ANKRD13A: variants seen among roughly 807,000 people sequenced by gnomAD.
The protein encoded by ANKRD13A is ankyrin repeat domain-containing protein 13A.
ANKRD13A carries 48 observed loss-of-function variants against 81.3 expected under a neutral mutation model. The observed-to-expected ratio is 0.59, with a 90% CI of 0.47 to 0.75. ANKRD13A has a LOEUF of 0.75. Among genes scored for constraint, ANKRD13A ranks in the 30% least tolerant of loss-of-function variants. The probability of loss-of-function intolerance (pLI) is 0.00; values close to 1 mark genes in which losing one functional copy is unlikely to be tolerated. For synonymous variants in ANKRD13A, 230 were observed against 270.1 expected (o/e 0.85, Z 1.45); for missense variants, 612 against 734.0 (o/e 0.83, Z 1.92).
In ANKRD13A at chr12:110,000,000, G is replaced by C. The variant is rs1889866022; in HGVS notation, c.96+216G>C. Among the ~76,000 whole-genome samples the C allele has an allele frequency of 6.6e-6, 1 of 152,122 alleles. No homozygotes were observed. Among genetic ancestry groups the C allele is most frequent in the South Asian group, 2.1e-4 (1 of 4,836 alleles). On this transcript the variant is annotated intron_variant, in intron 1 of 14. Transcript: ENST00000261739. This position sits in a 1 kb window ranked among gnomAD's most constrained non-coding sequence, Gnocchi z 4.3. ...CTTCTCTCTTCACCTTTCCAATAAC[G>C]CTGGTGGGTAGGTACTGTTACTTTT...
rs758913072 is a variant in ANKRD13A, at chr12:110,028,642, A to G, written c.1076A>G (p.Lys359Arg). The change falls in exon 10 of 15, where the codon AAG becomes AGG. Residue 359 changes from lysine to arginine, a missense_variant and splice_region_variant. By Grantham distance (26) the Lys-to-Arg change is conservative. Coordinates refer to ENST00000261739, the MANE Select transcript of ANKRD13A (RefSeq NM_033121.2). The part of the protein sequence containing the change: ...RPKELTIRTQ[K>R]FKAMLWMCEE... ...AAAGAGCTGACGATTAGAACACAGA[A>G]GTAAGAGAGGTTCAGCTGCCATTTT... 6.2e-7 allele frequency: 1 copy of G among 1,614,210 alleles called. No homozygotes were observed. The highest frequency in any genetic ancestry group is 8.5e-7 in the Non-Finnish European group (1 of 1,180,020).
intron 8 of ANKRD13A, chr12:110,027,293 C>G (rs571842684): frequency 5.3e-6 from 1 of 189,062 alleles, no homozygotes; most frequent in Admixed American, 5.5e-5. Context: ...GACGTGGAAG[C>G]CTTTAGAATG....
intron 1 of ANKRD13A, among the ~76,000 whole-genome samples, chr12:110,006,861 G>T (rs746536646): frequency 8.5e-5 from 13 of 152,206 alleles, no homozygotes; most frequent in Non-Finnish European, 1.3e-4. Flanking sequence ...CTCCCAAAGT[G>T]CTGGGATTAT....
At position 110,025,750 on chromosome 12, in the gene ANKRD13A, A is replaced by G; in HGVS notation, c.810A>G (p.Thr270=). 6.2e-7 allele frequency: 1 copy of G among 1,611,812 alleles called. No individual in the cohort carries two copies. Among genetic ancestry groups the G allele is most frequent in the Non-Finnish European group, 8.5e-7 (1 of 1,178,728 alleles). ...TCGCATACACCTCTCAGGTTTACAC[A>G]GTAAACAATGTGAATGTGATCACCA... ...VVNGYEAKVY[T]VNNVNVITKI... is the part of the protein sequence containing the mutation. The change falls in exon 8 of 15, where the codon ACA becomes ACG. Residue 270 remains threonine (T), a synonymous_variant. Coordinates refer to ENST00000261739, the MANE Select transcript of ANKRD13A (RefSeq NM_033121.2).
intron 2 of ANKRD13A, among the ~76,000 whole-genome samples, chr12:110,012,459 C>T (rs961696256): frequency 6.6e-6 from 1 of 152,178 alleles, no homozygotes; most frequent in Non-Finnish European, 1.5e-5. Context: ...TAAGATTTCT[C>T]TCTTGGGACA....
At chr12:110,016,463 C>A in intron 4 of ANKRD13A, 30 bp downstream of exon 4, 1 of 1,555,918 alleles carries the variant, frequency 6.4e-7, no homozygotes, top group Non-Finnish European at 8.7e-7. Context: ...TTATTTATTT[C>A]TCTTTCTAAA....
chr12:110,023,989 A>G (rs1197130455), intron 6 of ANKRD13A, 57 bp from the exon 7 acceptor site: 6 of 1,524,286 alleles, frequency 3.9e-6, no homozygotes, highest in African/African-American at 1.4e-5. Context: ...GGCTACAGAT[A>G]TAAATCTGAA....
Position 110,038,598 on chromosome 12 carries a change from C to T in ANKRD13A, c.*1044C>T, listed in dbSNP as rs1350752240. On this transcript the variant is annotated 3_prime_UTR_variant, in exon 15 of 15. Transcript: ENST00000261739. ...TTCAAAAGGGAAAATAATGATTCCA[C>T]GTTGCTTTTTAGAGTTCAAATCAAC... 6 of 152,598 alleles carry T rather than the reference C, an allele frequency of 3.9e-5. No individual in the cohort carries two copies. Among genetic ancestry groups the T allele is most frequent in the Non-Finnish European group, 1.5e-5 (1 of 68,040 alleles). The allele number at this position is 152,598 out of a possible 1,614,324, so 9.5% of individuals were successfully genotyped here. A position where few individuals can be genotyped will look rare whatever the true frequency, so the allele number is the denominator to read the frequency against.
At chr12:110,020,854 A>G (rs1484797367) in intron 6 of ANKRD13A, among the ~76,000 whole-genome samples, 7 of 152,234 alleles carry the variant, frequency 4.6e-5, no homozygotes, top group Non-Finnish European at 1.0e-4. Flanking sequence ...CTGTTTCCTT[A>G]GCTGAAAGAA....
At chr12:110,019,429 C>G in intron 6 of ANKRD13A, 101 bp downstream of exon 6, 1 of 1,157,358 alleles carries the variant, frequency 8.6e-7, no homozygotes, top group South Asian at 1.8e-5. Context: ...TGGGCTTTTT[C>G]TAATATGACA....
intron 1 of ANKRD13A, among the ~76,000 whole-genome samples, chr12:110,007,607 C>T (rs1167775506): frequency 6.6e-6 from 1 of 152,046 alleles, no homozygotes; most frequent in Non-Finnish European, 1.5e-5. Flanking sequence ...CTCGAACTCC[C>T]GACCTCAGGT....
intron 3 of ANKRD13A, among the ~76,000 whole-genome samples, chr12:110,015,957 T>TC (rs1223887383): frequency 2.0e-5 from 3 of 151,502 alleles, no homozygotes; most frequent in Non-Finnish European, 2.9e-5. Flanking sequence ...TTCTTTCTTT[T>TC]TTTTTTTTTT....
At position 110,014,789 on chromosome 12, in the gene ANKRD13A, C is replaced by CTTTTTTTTTTTTTTTTTT. The variant is rs761398140; in HGVS notation, c.354+1552_354+1553insTTTTTTTTTTTTTTTTTT. On this transcript the variant is annotated intron_variant, in intron 3 of 14. Coordinates refer to ENST00000261739, the MANE Select transcript of ANKRD13A (RefSeq NM_033121.2). ...ACCTGGAATTTCTAGCATTTCTCTT[C>CTTTTTTTTTTTTTTTTTT]TTTTTTTTTTTTGAGACGGAATCTC... Among the ~76,000 whole-genome samples the CTTTTTTTTTTTTTTTTTT allele has an allele frequency of 5.2e-4, 70 of 135,690 alleles. 3 individuals are homozygous for CTTTTTTTTTTTTTTTTTT. The highest frequency in any genetic ancestry group is 1.4e-3 in the African/African-American group (44 of 32,398). The allele number at this position is 135,690 out of a possible 152,430, so 89.0% of individuals were successfully genotyped here.
chr12:110,004,822 C>G (rs1479262797), intron 1 of ANKRD13A, among the ~76,000 whole-genome samples: 1 of 152,204 alleles, frequency 6.6e-6, no homozygotes, highest in Non-Finnish European at 1.5e-5. Context: ...CTTCTCAGCA[C>G]TTACTGTGGT....
At chr12:110,027,493 T>C in intron 8 of ANKRD13A, 1 of 543,214 alleles carries the variant, frequency 1.8e-6, no homozygotes. Context: ...CTGCTTTAAT[T>C]CTTACAACTG....
rs372014336 is a variant in ANKRD13A, at chr12:110,012,154, A to G, written c.229+17A>G. On this transcript the variant is annotated intron_variant, in intron 2 of 14. Transcript: ENST00000261739. Reference sequence around the variant, plus strand: ...GATGGACAGGTAAGTATACTTTTACAATAATTTAAAGTCCGTCTGAGCACC... The same window carrying G: ...GATGGACAGGTAAGTATACTTTTACGATAATTTAAAGTCCGTCTGAGCACC... 1 of 1,590,776 alleles carries G rather than the reference A, an allele frequency of 6.3e-7. No homozygotes were observed. The highest frequency in any genetic ancestry group is 1.3e-5 in the African/African-American group (1 of 74,470).
chr12:110,013,082 G>A, intron 2 of ANKRD13A, 43 bp from the exon 3 acceptor site: 16 of 1,608,882 alleles, frequency 9.9e-6, no homozygotes, highest in Non-Finnish European at 1.4e-5. Context: ...TTTGGAATTT[G>A]TCAGAAAGTA....
At chr12:110,028,440 A>T in intron 9 of ANKRD13A, 72 bp from the exon 10 acceptor site, 1 of 1,576,730 alleles carries the variant, frequency 6.3e-7, no homozygotes, top group Non-Finnish European at 8.7e-7. Context: ...CACCTCAGAC[A>T]CTGAGTGCCA....
intron 13 of ANKRD13A, among the ~76,000 whole-genome samples, chr12:110,034,746 T>C (rs1891926480): frequency 6.6e-6 from 1 of 152,194 alleles, no homozygotes; most frequent in African/African-American, 2.4e-5. Flanking sequence ...TAGGGTAGGG[T>C]CTGGTCTGCC....
Sources: gnomAD v4.1 joint callset for allele counts (sites outside exome capture counted in the v4.1 genomes callset) on GRCh38, gnomAD v4.1.1 for gene constraint, Gnocchi (gnomAD v3.1) non-coding constraint, MANE v1.5 for transcripts, NCBI Gene and HGNC (gene_info 2026-07-23, HGNC 2026-07-21) for gene names.